WNT7A: variants seen among roughly 807,000 people sequenced by gnomAD.
WNT7A encodes protein Wnt-7a.
WNT7A carries 16 observed loss-of-function variants against 28.2 expected under a neutral mutation model. The ratio of observed to expected loss-of-function variants is 0.57; its 90% confidence interval spans 0.38 to 0.86. The LOEUF (loss-of-function observed/expected upper bound fraction) is 0.86. Ranked by LOEUF, WNT7A falls within the 40% of genes least tolerant of loss-of-function variation. The pLI is 0.00. For missense variants in WNT7A, 411 were observed against 489.7 expected (o/e 0.84, Z 1.52); for synonymous variants, 190 against 195.9 (o/e 0.97, Z 0.25).
intron 3 of WNT7A, among the ~76,000 whole-genome samples, chr3:13,819,639 T>C (rs1694080121): frequency 6.6e-6 from 1 of 152,180 alleles, no homozygotes; most frequent in Non-Finnish European, 1.5e-5. Context: ...TGCAGCAGTT[T>C]CCCCATATGT....
intron 2 of WNT7A, among the ~76,000 whole-genome samples, chr3:13,860,587 T>C (rs548751503): frequency 3.9e-4 from 60 of 152,282 alleles, no homozygotes; most frequent in African/African-American, 1.3e-3. Context: ...CTTCCTTTAC[T>C]CATCCTAGGT....
At chr3:13,849,445 C>T (rs1047190964) in intron 3 of WNT7A, among the ~76,000 whole-genome samples, 19 of 152,190 alleles carry the variant, frequency 1.2e-4, no homozygotes, top group African/African-American at 4.1e-4. Flanking sequence ...CCTTGCAGCC[C>T]TGCTCCTGGA....
At chr3:13,860,973 A>G (rs1424969993) in intron 2 of WNT7A, among the ~76,000 whole-genome samples, 1 of 152,244 alleles carries the variant, frequency 6.6e-6, no homozygotes, top group Non-Finnish European at 1.5e-5. Flanking sequence ...ATATAGATCT[A>G]CAATATATGG....
intron 3 of WNT7A, among the ~76,000 whole-genome samples, chr3:13,842,137 T>C (rs955961567): frequency 1.3e-5 from 2 of 151,854 alleles, no homozygotes; most frequent in Non-Finnish European, 2.9e-5. Flanking sequence ...CTGGGTGAGA[T>C]GGGAGCCATG....
chr3:13,856,890 GAAAA>G lies in WNT7A; in HGVS notation c.299-2091_299-2088del, dbSNP rs1199514260. Among the ~76,000 whole-genome samples, 2 of 69,156 alleles carry G rather than the reference GAAAA, an allele frequency of 2.9e-5. 1 individual carries two copies. Among genetic ancestry groups the G allele is most frequent in the Admixed American group, 3.1e-4 (2 of 6,506 alleles). The allele number at this position is 69,156 out of a possible 152,430, so 45.4% of individuals were successfully genotyped here. On this transcript the variant is annotated intron_variant, in intron 2 of 3. Coordinates refer to ENST00000285018, the MANE Select transcript of WNT7A (RefSeq NM_004625.4). The stretch of plus-strand genomic sequence containing the variant: ...GGAAGAGGAAGAAGAGGAAGAAGAA[GAAAA>G]AGAAGAAGAAGAAGAAGAAGAAGAA...
In WNT7A at chr3:13,875,146, G is replaced by A. The variant is rs767232185; in HGVS notation, c.99C>T (p.Gly33=). The A allele has an allele frequency of 4.5e-5, 73 of 1,614,064 alleles. 1 individual carries two copies. The Middle Eastern group carries it at 1.3e-3, about 29-fold the overall frequency. Residue 33 remains glycine (G), a synonymous_variant, in exon 2 of 4, where the codon GGC becomes GGT. Transcript: ENST00000285018. The part of the protein sequence containing the change: ...IGGFSSVVAL[G]ASIICNKIPG... ...GGATCTTGTTACAGATGATGCTTGC[G>A]CCCAGAGCTACCACTGAGGAGAAGC...
chr3:13,856,914 G>GAAA (rs1559303247), intron 2 of WNT7A, among the ~76,000 whole-genome samples: 32 of 92,366 alleles, frequency 3.5e-4, no homozygotes, highest in African/African-American at 1.3e-3. Flanking sequence ...AGAAGAAGAA[G>GAAA]AAGAAGAAGA....
chr3:13,864,212 G>A lies in WNT7A; in HGVS notation c.299-9409C>T, dbSNP rs1454812030. Among the ~76,000 whole-genome samples, 3 of 152,156 alleles carry A rather than the reference G, an allele frequency of 2.0e-5. 1 individual carries two copies. Among genetic ancestry groups the A allele is most frequent in the Non-Finnish European group, 2.9e-5 (2 of 68,026 alleles). On this transcript the variant is annotated intron_variant, in intron 2 of 3. Coordinates refer to ENST00000285018, the MANE Select transcript of WNT7A (RefSeq NM_004625.4). ...AATGTTCTGTGTGTGCAAAGAATTT[G>A]ATTATCTTCCTACATCCTGTCTCTC...
At chr3:13,837,082 G>A (rs1324260681) in intron 3 of WNT7A, among the ~76,000 whole-genome samples, 6 of 152,096 alleles carry the variant, frequency 3.9e-5, no homozygotes, top group East Asian at 3.9e-4. Flanking sequence ...GGCAGTTACC[G>A]GAGGCCAAGT....
intron 2 of WNT7A, among the ~76,000 whole-genome samples, chr3:13,856,951 A>AAGAAGAAGAAGAAGAAGAAGG (rs1694750656): frequency 9.8e-6 from 1 of 101,534 alleles, no homozygotes; most frequent in African/African-American, 5.0e-5. Context: ...GAAGAAGAAG[A>AAGAAGAAGAAGAAGAAGAAGG]AGAAGAAGAA....
chr3:13,823,939 C>A (rs1694148701), intron 3 of WNT7A, among the ~76,000 whole-genome samples: 1 of 152,144 alleles, frequency 6.6e-6, no homozygotes, highest in African/African-American at 2.4e-5. Context: ...TCTATACAGC[C>A]CCCGGATTCT....
chr3:13,865,111 C>T (rs971876764), intron 2 of WNT7A, among the ~76,000 whole-genome samples: 2 of 152,134 alleles, frequency 1.3e-5, no homozygotes, highest in Non-Finnish European at 2.9e-5. Flanking sequence ...TGTGTGTGCC[C>T]CTAAGAGCAG....
chr3:13,862,239 G>A (rs1694841932), intron 2 of WNT7A, among the ~76,000 whole-genome samples: 1 of 152,222 alleles, frequency 6.6e-6, no homozygotes, highest in South Asian at 2.1e-4. Context: ...ACGAAAATGG[G>A]GAGCCCAGCT....
chr3:13,842,794 C>T (rs1035302924), intron 3 of WNT7A, among the ~76,000 whole-genome samples: 2 of 152,164 alleles, frequency 1.3e-5, no homozygotes, highest in African/African-American at 4.8e-5. Flanking sequence ...GGCCAGTAGA[C>T]ATCCTGGAGC....
intron 2 of WNT7A, among the ~76,000 whole-genome samples, chr3:13,856,981 A>C: frequency 1.3e-5 from 1 of 78,748 alleles, no homozygotes; most frequent in South Asian, 4.9e-4. Flanking sequence ...GAAGAAGAAG[A>C]AGAAGGAGAA....
rs754806562 is a variant in WNT7A at position 13,819,465 on chromosome 3, AC to A, written c.571-43del. On this transcript the variant is annotated intron_variant, in intron 3 of 3. Coordinates refer to ENST00000285018, the MANE Select transcript of WNT7A (RefSeq NM_004625.4). ...GGAAGAGCACAGCACAGGTCACTGC[AC>A]GCCAAGGCCAAGTGCAGCCCCCAGC... The A allele has an allele frequency of 1.2e-5, 19 of 1,598,248 alleles. No homozygotes were observed. In the Admixed American group the frequency reaches 3.0e-4, roughly 25 times the overall value.
chr3:13,831,993 C>T (rs192668444), intron 3 of WNT7A, among the ~76,000 whole-genome samples: 41 of 152,134 alleles, frequency 2.7e-4, no homozygotes, highest in African/African-American at 3.6e-4. Context: ...CCCCCAACCC[C>T]GGGAGACAAT....
In WNT7A at chr3:13,879,785, T is replaced by C; in HGVS notation, c.32A>G (p.His11Arg). ...GACCATGCCCAGGCTGAGAAAGAGG[T>C]GGCCCAGGCAGCGCCGCGCTTTCCG... Reference protein sequence around the residue: MNRKARRCLGHLFLSLGMVYL... With the variant: MNRKARRCLGRLFLSLGMVYL... The change falls in exon 1 of 4, where the codon CAC becomes CGC. Residue 11 changes from histidine (H) to arginine (R), a missense_variant. Coordinates refer to ENST00000285018, the MANE Select transcript of WNT7A (RefSeq NM_004625.4). The C allele has an allele frequency of 7.4e-6, 12 of 1,612,310 alleles. No individual in the cohort carries two copies. Among genetic ancestry groups the C allele is most frequent in the Non-Finnish European group, 1.0e-5 (12 of 1,179,076 alleles).
At chr3:13,852,200 C>A (rs1241671193) in intron 3 of WNT7A, among the ~76,000 whole-genome samples, 2 of 152,184 alleles carry the variant, frequency 1.3e-5, no homozygotes, top group Non-Finnish European at 2.9e-5. Flanking sequence ...CATGGTGCAC[C>A]CCCCCACCCC....
Sources: allele counts gnomAD v4.1 joint callset (sites outside exome capture counted in the v4.1 genomes callset), GRCh38; gene constraint gnomAD v4.1.1; transcripts MANE v1.5; gene names NCBI Gene and HGNC (gene_info 2026-07-23, HGNC 2026-07-21).